Variants in NCOA2 observed in about 807,000 individuals in gnomAD.
The protein encoded by NCOA2 is nuclear receptor coactivator 2.
In NCOA2, 21 loss-of-function variants were observed where a neutral mutation model predicts 145.1. The ratio of observed to expected loss-of-function variants is 0.14; its 90% confidence interval spans 0.10 to 0.21. The LOEUF is 0.21. NCOA2 is among the 10% of genes least tolerant of loss of function. The probability of loss-of-function intolerance (pLI) is 1.00; values close to 1 mark genes in which losing one functional copy is unlikely to be tolerated. For missense variants in NCOA2, 1,472 were observed against 1,837.6 expected, an observed-to-expected ratio of 0.80 and a Z score of 3.64; for synonymous variants, 619 against 637.5, an observed-to-expected ratio of 0.97 and a Z score of 0.44.
At chr8:70,436,634 G>A in the NCOA2 span, among the ~76,000 whole-genome samples, 1 of 152,156 alleles carries the variant, frequency 6.6e-6, no homozygotes, top group Non-Finnish European at 1.5e-5. Context: ...AACTACTAAA[G>A]GCTTTAACCA....
chr8:70,114,175 T>G (rs1255742910), intron 22 of NCOA2, among the ~76,000 whole-genome samples: 1 of 152,130 alleles, frequency 6.6e-6, no homozygotes, highest in Non-Finnish European at 1.5e-5. Context: ...TAGATCATGA[T>G]GGGTTTTGAC....
Position 70,124,096 on chromosome 8 carries a change from G to T in NCOA2, c.4095-14C>A, listed in dbSNP as rs1437171684. Reference sequence around the variant, plus strand: ...TGGGAAAACATGCTGGAATACAATGGAAAGATTGAATGAATGTTACAGCTT... The same window carrying T: ...TGGGAAAACATGCTGGAATACAATGTAAAGATTGAATGAATGTTACAGCTT... On this transcript the variant is annotated splice_polypyrimidine_tract_variant and intron_variant, in intron 20 of 22. Transcript: ENST00000452400. The T allele has an allele frequency of 1.2e-6, 2 of 1,609,698 alleles. No individual in the cohort carries two copies. The highest frequency in any genetic ancestry group is 4.5e-5 in the East Asian group (2 of 44,810).
intron 1 of NCOA2, among the ~76,000 whole-genome samples, chr8:70,303,648 G>C (rs532148546): frequency 6.6e-6 from 1 of 152,214 alleles, no homozygotes; most frequent in East Asian, 1.9e-4. Context: ...AGCTGTTTGA[G>C]GGCAAGGATG....
intron 4 of NCOA2, among the ~76,000 whole-genome samples, chr8:70,185,445 C>A (rs1815956833): frequency 6.6e-6 from 1 of 152,178 alleles, no homozygotes; most frequent in Admixed American, 6.5e-5. Flanking sequence ...TACGCAGCAC[C>A]ATGGCTCTGG....
In NCOA2 at chr8:70,157,022, T is replaced by C; in HGVS notation, c.1343A>G (p.Asn448Ser). 1 of 1,614,062 alleles carries C rather than the reference T, an allele frequency of 6.2e-7. No individual in the cohort carries two copies. The highest frequency in any genetic ancestry group is 8.5e-7 in the Non-Finnish European group (1 of 1,179,904). Reference protein sequence around the residue: ...MGRFGGSGGMNHVSGMQATTP... With the variant: ...MGRFGGSGGMSHVSGMQATTP... ...GGTTGCTTGCATGCCTGACACATGG[T>C]TCATTCCCCCAGAACCACCAAACCT... Residue 448 changes from asparagine to serine, a missense_variant, in exon 11 of 23, where the codon AAC (asparagine) becomes AGC (serine). This residue lies in a region of NCOA2 where 953 missense variants were observed against 1,062.1 expected (regional missense o/e 0.90). Transcript: ENST00000452400.
Position 70,123,805 on chromosome 8 carries a change from T to C in NCOA2, c.4293+79A>G, listed in dbSNP as rs1466679217. 1.1e-5 allele frequency: 14 copies of C among 1,247,818 alleles called. No individual in the cohort carries two copies. The Admixed American group carries it at 2.8e-4, about 25-fold the overall frequency. The allele number at this position is 1,247,818 out of a possible 1,614,324, so 77.3% of individuals were successfully genotyped here. A position where few individuals can be genotyped will look rare whatever the true frequency, so the allele number is the denominator to read the frequency against. On this transcript the variant is annotated intron_variant, in intron 21 of 22. Coordinates refer to ENST00000452400, the MANE Select transcript of NCOA2 (RefSeq NM_006540.4). ...GAGTTGGTGGCTAAAGTCAGATACA[T>C]GGAAAGATATATTTGATGCAGAAGT... is the stretch of plus-strand genomic sequence containing the variant.
intron 15 of NCOA2, among the ~76,000 whole-genome samples, chr8:70,134,034 T>C (rs977454306): frequency 3.9e-5 from 6 of 152,166 alleles, no homozygotes; most frequent in Non-Finnish European, 8.8e-5. Flanking sequence ...GCAGGTGCTC[T>C]TCCCACTCCC....
chr8:70,440,030 G>A, the NCOA2 span, among the ~76,000 whole-genome samples: 1 of 152,192 alleles, frequency 6.6e-6, no homozygotes, highest in Non-Finnish European at 1.5e-5. Context: ...GCTCCTTGTT[G>A]TCTCCAAACC....
chr8:70,142,088 G>A (rs187125677), intron 13 of NCOA2, among the ~76,000 whole-genome samples: 4 of 152,290 alleles, frequency 2.6e-5, no homozygotes, highest in Non-Finnish European at 4.4e-5. Flanking sequence ...ACATAAGAGC[G>A]TAACGCTGCT....
intron 1 of NCOA2, among the ~76,000 whole-genome samples, chr8:70,330,620 A>G (rs913496320): frequency 4.6e-5 from 7 of 152,078 alleles, no homozygotes; most frequent in Non-Finnish European, 8.8e-5. Context: ...AATGTCAATT[A>G]GTAAAAACAA....
chr8:70,215,319 C>T (rs4738078), intron 3 of NCOA2, among the ~76,000 whole-genome samples: 115,542 of 151,950 alleles, frequency 0.76, 44,810 homozygotes, highest in Admixed American at 0.84. Flanking sequence ...GACCCCTGAG[C>T]GCCCCAGAGG....
At chr8:70,123,814 A>G in intron 21 of NCOA2, 70 bp downstream of exon 21, 28 of 1,323,530 alleles carry the variant, frequency 2.1e-5, no homozygotes, top group Non-Finnish European at 2.8e-5. Context: ...ATGGAAAGAT[A>G]TATTTGATGC....
At chr8:70,304,470 T>C (rs1460990893) in intron 1 of NCOA2, among the ~76,000 whole-genome samples, 2 of 148,538 alleles carry the variant, frequency 1.3e-5, no homozygotes, top group Non-Finnish European at 3.0e-5. Flanking sequence ...ACTATATGCA[T>C]ATTTTTTTTT....
At chr8:70,450,707 GT>G in the NCOA2 span, among the ~76,000 whole-genome samples, 1 of 148,896 alleles carries the variant, frequency 6.7e-6, no homozygotes, top group Non-Finnish European at 1.5e-5. Flanking sequence ...AGCCTCCTGA[GT>G]AGCTGGGATT....
intron 12 of NCOA2, among the ~76,000 whole-genome samples, chr8:70,147,135 T>C (rs1301005655): frequency 7.3e-5 from 11 of 151,092 alleles, no homozygotes; most frequent in African/African-American, 2.7e-4. Flanking sequence ...CGCGTGTGTG[T>C]GTGTGTGTGT....
At chr8:70,415,760 T>C in the NCOA2 span, among the ~76,000 whole-genome samples, 2 of 152,346 alleles carry the variant, frequency 1.3e-5, no homozygotes, top group South Asian at 2.1e-4. Flanking sequence ...GTATTTTATC[T>C]ACAAGTAGTT....
chr8:70,201,931 A>C (rs951201065), intron 4 of NCOA2, among the ~76,000 whole-genome samples: 2 of 152,158 alleles, frequency 1.3e-5, no homozygotes, highest in Non-Finnish European at 2.9e-5. Context: ...TGTACCTTAG[A>C]ATCTCCCCGC....
chr8:70,368,521 A>G (rs1025913707), intron 1 of NCOA2, among the ~76,000 whole-genome samples: 4 of 152,244 alleles, frequency 2.6e-5, no homozygotes, highest in African/African-American at 9.6e-5. Context: ...TTTTCAAGTC[A>G]AAATCTGCTA....
chr8:70,370,250 G>A (rs1811092120), intron 1 of NCOA2, among the ~76,000 whole-genome samples: 1 of 152,070 alleles, frequency 6.6e-6, no homozygotes. Flanking sequence ...ACACACAAAT[G>A]AAGAATATTA....
Sources: gnomAD v4.1 joint callset for allele counts (sites outside exome capture counted in the v4.1 genomes callset) on GRCh38, gnomAD v4.1.1 for gene constraint, gnomAD v4.1.1 regional missense constraint, MANE v1.5 for transcripts, NCBI Gene and HGNC (gene_info 2026-07-23, HGNC 2026-07-21) for gene names.